Variants in SLC11A1 observed in about 807,000 individuals in gnomAD.
SLC11A1 encodes the protein solute carrier family 11 member 1.
In SLC11A1, 59 loss-of-function variants were observed where a neutral mutation model predicts 63.2. The observed-to-expected ratio is 0.93, with a 90% CI of 0.76 to 1.16. SLC11A1 has a LOEUF of 1.16. SLC11A1 is among the 50% of genes most tolerant of loss of function. The pLI, the probability that SLC11A1 is intolerant of heterozygous loss-of-function variation, is 0.00. For missense variants in SLC11A1, 688 were observed against 730.7 expected, an observed-to-expected ratio of 0.94 and a Z score of 0.67; for synonymous variants, 305 against 307.8, an observed-to-expected ratio of 0.99 and a Z score of 0.09.
chr2:218,393,187 G>A (rs1220663358), intron 12 of SLC11A1, 57 bp downstream of exon 12: 7 of 1,447,070 alleles, frequency 4.8e-6, no homozygotes, highest in Non-Finnish European at 6.4e-6. Context: ...AGGACCTCCA[G>A]CAACCCCCAC....
intron 12 of SLC11A1, among the ~76,000 whole-genome samples, chr2:218,393,551 A>G (rs904774095): frequency 4.8e-5 from 7 of 146,302 alleles, no homozygotes; most frequent in African/African-American, 1.8e-4. Flanking sequence ...ATCTTGGCTC[A>G]CTGCAACCTC....
chr2:218,391,582 C>A, intron 11 of SLC11A1, 87 bp downstream of exon 11: 2 of 1,361,720 alleles, frequency 1.5e-6, no homozygotes, highest in Non-Finnish European at 2.0e-6. Context: ...CCTTGTGGGT[C>A]CTCTTTTCTT....
Position 218,394,730 on chromosome 2 carries a change from A to G in SLC11A1, c.1487A>G (p.Tyr496Cys), listed in dbSNP as rs772453265. 3.7e-6 allele frequency: 6 copies of G among 1,613,898 alleles called. No individual in the cohort carries two copies. The highest frequency in any genetic ancestry group is 4.2e-6 in the Non-Finnish European group (5 of 1,180,028). Residue 496 changes from tyrosine to cysteine, a missense_variant, in exon 14 of 15, where the codon TAC becomes TGC. Coordinates refer to ENST00000233202, the MANE Select transcript of SLC11A1 (RefSeq NM_000578.4). ...CTGCCCAGCCTGCCCCACCCTGCCT[A>G]CTTCGGCCTTGCAGCCTTGCTGGCC... is the stretch of plus-strand genomic sequence containing the variant. ...SYLPSLPHPA[Y>C]FGLAALLAAA...
chr2:218,382,876 G>T, intron 1 of SLC11A1, 84 bp from the exon 2 acceptor site: 1 of 1,565,322 alleles, frequency 6.4e-7, no homozygotes. Context: ...TTTTCCGGGA[G>T]GAGGAGGGAA....
At chr2:218,393,214 G>T in intron 12 of SLC11A1, 84 bp downstream of exon 12, 1 of 1,315,972 alleles carries the variant, frequency 7.6e-7, no homozygotes, top group Non-Finnish European at 9.9e-7. Flanking sequence ...CCTTGCATGG[G>T]CCTGCCAGGC....
At chr2:218,387,662 G>A in intron 7 of SLC11A1, 30 bp downstream of exon 7, 1 of 1,613,426 alleles carries the variant, frequency 6.2e-7, no homozygotes, top group East Asian at 2.2e-5. Context: ...ACCCCACTGT[G>A]GACCTCCCAA....
Position 218,390,065 on chromosome 2 carries a change from C to T in SLC11A1, c.954+37C>T, listed in dbSNP as rs1000189829. Reference sequence around the variant, plus strand: ...TTTCCCCCGCACCTGAGGCCACACACGTACTCATGTCCTGTAAGCCTTGCC... The same window carrying T: ...TTTCCCCCGCACCTGAGGCCACACATGTACTCATGTCCTGTAAGCCTTGCC... On this transcript the variant is annotated intron_variant, in intron 9 of 14. Transcript: ENST00000233202. 15 of 1,588,504 alleles carry T rather than the reference C, an allele frequency of 9.4e-6. 1 individual carries two copies. The highest frequency in any genetic ancestry group is 1.7e-4 in the Middle Eastern group (1 of 5,808).
At chr2:218,389,581 C>T (rs1211313661) in intron 8 of SLC11A1, among the ~76,000 whole-genome samples, 5 of 152,180 alleles carry the variant, frequency 3.3e-5, no homozygotes, top group South Asian at 2.1e-4. Context: ...AAGCTGGACA[C>T]GTCTGAGGAT....
chr2:218,383,694 G>C (rs892966898), intron 2 of SLC11A1: 2 of 152,626 alleles, frequency 1.3e-5, no homozygotes, highest in Admixed American at 6.5e-5. Flanking sequence ...TGGCCAGGCT[G>C]GTCTCAAACT....
intron 3 of SLC11A1, 135 bp from the exon 4 acceptor site, chr2:218,385,012 A>G: frequency 1.7e-6 from 2 of 1,174,788 alleles, no homozygotes; most frequent in Non-Finnish European, 2.4e-6. Context: ...GTGAGCTACC[A>G]GCGCCCAGCC....
intron 12 of SLC11A1, 93 bp downstream of exon 12, chr2:218,393,223 G>A: frequency 7.8e-7 from 1 of 1,286,216 alleles, no homozygotes. Flanking sequence ...GGCCTGCCAG[G>A]CCCTGTCCCA....
chr2:218,392,216 C>T (rs770564466), intron 11 of SLC11A1: 1 of 270,118 alleles, frequency 3.7e-6, no homozygotes, highest in South Asian at 2.9e-5. Flanking sequence ...GATTACAGGC[C>T]ACCACACCCA....
rs1696691867 is a variant in SLC11A1 at position 218,395,162 on chromosome 2, A to T, written c.*127A>T. 1.5e-6 allele frequency: 1 copy of T among 681,090 alleles called. No homozygotes were observed. The highest frequency in any genetic ancestry group is 2.5e-6 in the Non-Finnish European group (1 of 396,680). The allele number at this position is 681,090 out of a possible 1,614,324, so 42.2% of individuals were successfully genotyped here. On this transcript the variant is annotated 3_prime_UTR_variant, in exon 15 of 15. Coordinates refer to ENST00000233202, the MANE Select transcript of SLC11A1 (RefSeq NM_000578.4). ...TGAGACCAGCCAACCTGGGGGCTTT[A>T]GGGACCTGCTGTTTCCTAGCGCAGC...
At chr2:218,394,412 C>G in intron 13 of SLC11A1, 1 of 690,228 alleles carries the variant, frequency 1.4e-6, no homozygotes, top group Non-Finnish European at 2.4e-6. Flanking sequence ...GCCTCACTCT[C>G]GCCTCAGACT....
In SLC11A1 at chr2:218,391,406, G is replaced by T. The variant is rs113329627; in HGVS notation, c.1075G>T (p.Ala359Ser). Reference protein sequence around the residue: ...GVILGCLFGPAALYIWAIGLL... With the variant: ...GVILGCLFGPSALYIWAIGLL... ...GATCCTGGGCTGCCTGTTCGGCCCC[G>T]CGGCCCTCTACATCTGGGCCATAGG... is the stretch of plus-strand genomic sequence containing the variant. Residue 359 changes from alanine (A) to serine (S), a missense_variant, in exon 11 of 15, where the codon GCG becomes TCG. Transcript: ENST00000233202. The T allele has an allele frequency of 1.6e-5, 26 of 1,613,844 alleles. No homozygotes were observed. In the African/African-American group the frequency reaches 2.5e-4, roughly 16 times the overall value.
At chr2:218,387,042 T>A (rs748925749) in intron 5 of SLC11A1, 118 bp from the exon 6 acceptor site, 40 of 925,070 alleles carry the variant, frequency 4.3e-5, no homozygotes, top group Non-Finnish European at 7.1e-5. Context: ...CCTAGCTGTC[T>A]GGGGGCGCTT....
At chr2:218,385,663 T>C in intron 4 of SLC11A1, 1 of 361,520 alleles carries the variant, frequency 2.8e-6, no homozygotes, top group Non-Finnish European at 5.4e-6. Flanking sequence ...AGTGCTGGGA[T>C]TACAGGCATG....
In SLC11A1 at chr2:218,383,020, GC is replaced by G; in HGVS notation, c.71del (p.Pro24ArgfsTer16). The G allele has an allele frequency of 6.2e-7, 1 of 1,614,084 alleles. No individual in the cohort carries two copies. Among genetic ancestry groups the G allele is most frequent in the Non-Finnish European group, 8.5e-7 (1 of 1,180,014 alleles). ...SSYGSISSPT[S>X]PTSPGPQQAP... is the part of the protein sequence containing the mutation. ...TATGGTTCCATCTCCAGCCCGACCA[GC>G]CCGACCAGCCCAGGGCCACAGCAAG... On this transcript the variant is annotated frameshift_variant, in exon 2 of 15. Transcript: ENST00000233202. LOFTEE classifies it high-confidence loss of function.
chr2:218,394,304 C>T (rs2106339679), intron 13 of SLC11A1, 111 bp downstream of exon 13: 1 of 1,159,134 alleles, frequency 8.6e-7, no homozygotes, highest in Non-Finnish European at 1.3e-6. Context: ...GCCACAGAGG[C>T]TGAGAGAGGT....
Sources: gnomAD v4.1 joint callset for allele counts (sites outside exome capture counted in the v4.1 genomes callset) on GRCh38, gnomAD v4.1.1 for gene constraint, MANE v1.5 for transcripts, NCBI Gene and HGNC (gene_info 2026-07-23, HGNC 2026-07-21) for gene names.